Variants in CCDC148 observed in about 807,000 individuals in gnomAD.
CCDC148 encodes coiled-coil domain-containing protein 148.
Under a neutral mutation model 85.7 loss-of-function variants are expected in CCDC148, and 89 were observed. The ratio of observed to expected loss-of-function variants is 1.04; its 90% CI spans 0.87 to 1.24. The LOEUF (loss-of-function observed/expected upper bound fraction) is 1.24, where lower values mean the gene tolerates loss of function less well. CCDC148 is among the 50% of genes most tolerant of loss of function. The probability of loss-of-function intolerance (pLI) is 0.00; values close to 1 mark genes in which losing one functional copy is unlikely to be tolerated. For synonymous variants in CCDC148, 230 were observed against 213.9 expected (o/e 1.08, Z -0.66); for missense variants, 692 against 671.7 (o/e 1.03, Z -0.33).
chr2:158,421,220 G>A (rs747679158), intron 1 of CCDC148, among the ~76,000 whole-genome samples: 1 of 152,138 alleles, frequency 6.6e-6, no homozygotes, highest in Admixed American at 6.5e-5. Context: ...ATTGAACTCA[G>A]CTCTGCACCA....
chr2:158,278,750 T>G (rs576424713), intron 9 of CCDC148, among the ~76,000 whole-genome samples: 178 of 152,270 alleles, frequency 1.2e-3, no homozygotes, highest in Admixed American at 9.8e-4. Flanking sequence ...TAAATGTCCC[T>G]GTCTGACAGC....
intron 9 of CCDC148, among the ~76,000 whole-genome samples, chr2:158,267,167 T>C (rs1689502488): frequency 6.6e-6 from 1 of 151,986 alleles, no homozygotes; most frequent in Non-Finnish European, 1.5e-5. Flanking sequence ...TCCTTTCTTC[T>C]CCCCACATAC....
At chr2:158,436,828 A>T (rs977651481) in intron 1 of CCDC148, among the ~76,000 whole-genome samples, 2 of 152,236 alleles carry the variant, frequency 1.3e-5, no homozygotes, top group Admixed American at 6.5e-5. Flanking sequence ...ACAAACTACC[A>T]TCAGAGAATG....
chr2:158,303,596 G>A (rs1691547884), intron 9 of CCDC148, among the ~76,000 whole-genome samples: 1 of 152,064 alleles, frequency 6.6e-6, no homozygotes, highest in Non-Finnish European at 1.5e-5. Flanking sequence ...AATTTACTGA[G>A]CTCAGTCCCT....
At chr2:158,267,069 T>C (rs1187397720) in intron 9 of CCDC148, among the ~76,000 whole-genome samples, 2 of 151,924 alleles carry the variant, frequency 1.3e-5, no homozygotes, top group African/African-American at 4.8e-5. Flanking sequence ...ATTCAGGCTA[T>C]CAAATTTCAA....
chr2:158,328,990 T>C (rs1442380922), intron 7 of CCDC148, among the ~76,000 whole-genome samples: 1 of 152,240 alleles, frequency 6.6e-6, no homozygotes, highest in Non-Finnish European at 1.5e-5. Context: ...TGGTAGTTTC[T>C]TTCGCTGTGC....
rs1690554927 is a variant in CCDC148, at chr2:158,285,130, A to C, written c.1110+24303T>G. Among the ~76,000 whole-genome samples the C allele has an allele frequency of 2.6e-5, 4 of 152,060 alleles. No individual in the cohort carries two copies. The South Asian group carries it at 8.3e-4, about 32-fold the overall frequency. ...TGGTGAAACCCTGTCTCTACTAAAAATACAAAAATTAGCCAGGTATGGTGG... is the reference window on the plus strand; with the variant it reads ...TGGTGAAACCCTGTCTCTACTAAAACTACAAAAATTAGCCAGGTATGGTGG... On this transcript the variant is annotated intron_variant, in intron 9 of 13. Coordinates refer to ENST00000283233, the MANE Select transcript of CCDC148 (RefSeq NM_138803.4).
intron 2 of CCDC148, among the ~76,000 whole-genome samples, chr2:158,358,093 AG>A (rs1559096757): frequency 6.6e-6 from 1 of 152,214 alleles, no homozygotes; most frequent in East Asian, 1.9e-4. Context: ...GTGTTGGAGA[AG>A]GAGCCTTAAT....
rs111349742 is a variant in CCDC148, at chr2:158,345,306, T to C, written c.160A>G (p.Met54Val). The C allele has an allele frequency of 2.5e-6, 4 of 1,612,126 alleles. No homozygotes were observed. The highest frequency in any genetic ancestry group is 2.2e-5 in the East Asian group (1 of 44,694). Residue 54 changes from methionine (M) to valine (V), a missense_variant, in exon 3 of 14, where the codon ATG becomes GTG. Met to Val is a conservative substitution (Grantham distance 21). Coordinates refer to ENST00000283233, the MANE Select transcript of CCDC148 (RefSeq NM_138803.4). ...ASAKLKIRKA[M>V]LTSKLSKEQT... ...TCTTTGGATAACTTTGAAGTCAACA[T>C]TGCTTTTCTGATCTAGATTTAGAGG...
intron 7 of CCDC148, among the ~76,000 whole-genome samples, chr2:158,323,919 CTTTTTTTTTTT>C (rs777356867): frequency 1.2e-4 from 10 of 82,970 alleles, no homozygotes; most frequent in African/African-American, 3.8e-4. Flanking sequence ...CTGGGAATAA[CTTTTTTTTTTT>C]TTTTTTTTTT....
chr2:158,365,386 G>C (rs901062397), intron 1 of CCDC148, among the ~76,000 whole-genome samples: 1 of 152,118 alleles, frequency 6.6e-6, no homozygotes, highest in Admixed American at 6.5e-5. Context: ...GTTCACAATA[G>C]AAAAGACTTG....
chr2:158,276,593 A>AACAAC (rs1689958294), intron 9 of CCDC148, among the ~76,000 whole-genome samples: 1 of 121,038 alleles, frequency 8.3e-6, no homozygotes, highest in Non-Finnish European at 1.9e-5. Context: ...AACAAAACAA[A>AACAAC]ACAACTGCCT....
At chr2:158,209,565 A>T (rs2105290432) in intron 11 of CCDC148, among the ~76,000 whole-genome samples, 1 of 152,266 alleles carries the variant, frequency 6.6e-6, no homozygotes, top group Non-Finnish European at 1.5e-5. Flanking sequence ...TGCCAGAGAG[A>T]AAGGTTGGGT....
chr2:158,395,618 T>C (rs1685489176), intron 1 of CCDC148, among the ~76,000 whole-genome samples: 1 of 152,098 alleles, frequency 6.6e-6, no homozygotes, highest in African/African-American at 2.4e-5. Context: ...CTGAACAACA[T>C]GGACAGCCTT....
chr2:158,277,081 T>C (rs933885351), intron 9 of CCDC148, among the ~76,000 whole-genome samples: 6 of 152,216 alleles, frequency 3.9e-5, no homozygotes, highest in East Asian at 1.9e-4. Flanking sequence ...GAAATTCAGG[T>C]ACCTTAAGTC....
intron 1 of CCDC148, among the ~76,000 whole-genome samples, chr2:158,380,575 T>A (rs1224660144): frequency 6.6e-6 from 1 of 152,190 alleles, no homozygotes; most frequent in Non-Finnish European, 1.5e-5. Flanking sequence ...CAATCTCAAC[T>A]GAAATCCTAG....
chr2:158,296,125 T>C (rs1691176889), intron 9 of CCDC148, among the ~76,000 whole-genome samples: 1 of 152,208 alleles, frequency 6.6e-6, no homozygotes, highest in Admixed American at 6.5e-5. Flanking sequence ...ACATTTGGTG[T>C]CGTATCTCAG....
intron 13 of CCDC148, among the ~76,000 whole-genome samples, chr2:158,174,193 A>C (rs1684457625): frequency 6.6e-6 from 1 of 152,094 alleles, no homozygotes; most frequent in Non-Finnish European, 1.5e-5. Context: ...GCTCACAAGG[A>C]CTTTGTAAAT....
chr2:158,336,360 T>C (rs1327688471), intron 7 of CCDC148, among the ~76,000 whole-genome samples: 1 of 152,212 alleles, frequency 6.6e-6, no homozygotes, highest in African/African-American at 2.4e-5. Flanking sequence ...TCAGTTTTTA[T>C]TGATGCTTCA....
Sources: gnomAD v4.1 joint callset for allele counts (sites outside exome capture counted in the v4.1 genomes callset) on GRCh38, gnomAD v4.1.1 for gene constraint, MANE v1.5 for transcripts, NCBI Gene and HGNC (gene_info 2026-07-23, HGNC 2026-07-21) for gene names.